Variants in ZKSCAN3 observed in about 807,000 individuals in gnomAD.
ZKSCAN3 encodes zinc finger protein with KRAB and SCAN domains 3.
A neutral mutation model predicts 30.7 loss-of-function variants in ZKSCAN3; 21 were observed. The observed-to-expected ratio is 0.68, with a 90% CI of 0.49 to 0.99. The LOEUF (loss-of-function observed/expected upper bound fraction) is 0.99, where lower values mean the gene tolerates loss of function less well. Among genes scored for constraint, ZKSCAN3 ranks in the 50% least tolerant of loss-of-function variants. The pLI is 0.00. For synonymous variants in ZKSCAN3, 201 were observed against 246.7 expected (o/e 0.81, Z 1.73); for missense variants, 507 against 647.1 (o/e 0.78, Z 2.35).
chr6:28,356,461 ATGC>A (rs137944365), intron 1 of ZKSCAN3, among the ~76,000 whole-genome samples: 5,522 of 152,242 alleles, frequency 0.036, 247 homozygotes, highest in East Asian at 0.23. Flanking sequence ...TCTCCCCCAA[ATGC>A]TGCTGGCACT....
At chr6:28,354,073 C>T in intron 1 of ZKSCAN3, 2 of 406,996 alleles carry the variant, frequency 4.9e-6, no homozygotes, top group Non-Finnish European at 9.9e-6. Context: ...TCTGTGGCTC[C>T]TGCCGCTCCC....
intron 5 of ZKSCAN3, among the ~76,000 whole-genome samples, chr6:28,364,889 G>A (rs1359324712): frequency 6.6e-6 from 1 of 151,880 alleles, no homozygotes; most frequent in Non-Finnish European, 1.5e-5. Flanking sequence ...CACCATGCCC[G>A]GCTAATTTTT....
chr6:28,363,866 A>C (rs755216681), intron 5 of ZKSCAN3, 51 bp downstream of exon 5: 8 of 1,600,778 alleles, frequency 5.0e-6, no homozygotes, highest in Non-Finnish European at 6.0e-6. Context: ...CATTCTTTGT[A>C]TATTAGAACC....
Position 28,351,686 on chromosome 6 carries a change from CTCCTT to C in ZKSCAN3, c.-63+1622_-63+1626del, listed in dbSNP as rs1765027530. On this transcript the variant is annotated intron_variant, in intron 1 of 5. Transcript: ENST00000252211. The surrounding 1 kb of genome is among the most constrained non-coding windows in gnomAD (Gnocchi z 4.6). ...TTTTACTTCCTCCCTCTTTCCCTCT[CTCCTT>C]TCTTTCCCTCTCCCTCCTTTCTTTG... 1.3e-5 allele frequency among the ~76,000 whole-genome samples: 2 copies of C among 151,636 alleles called. No individual in the cohort carries two copies. Among genetic ancestry groups the C allele is most frequent in the African/African-American group, 4.8e-5 (2 of 41,298 alleles).
chr6:28,360,951 T>C (rs933456546), intron 2 of ZKSCAN3, among the ~76,000 whole-genome samples: 2 of 152,186 alleles, frequency 1.3e-5, no homozygotes, highest in African/African-American at 2.4e-5. Context: ...AAACTAGAGA[T>C]TGTAATCCCC....
Position 28,352,571 on chromosome 6 carries a change from A to C in ZKSCAN3, c.-63+2504A>C, listed in dbSNP as rs142557257. On this transcript the variant is annotated intron_variant, in intron 1 of 5. Transcript: ENST00000252211. ...GGCTGATTGATCTTGATTGTACCCA[A>C]GGCATTAGGATGTTTTAAAAGCTCC... 8.6e-3 allele frequency among the ~76,000 whole-genome samples: 1,310 copies of C among 152,256 alleles called. 11 individuals carry two copies. The highest frequency in any genetic ancestry group is 0.027 in the Middle Eastern group (8 of 294).
chr6:28,365,278 T>C (rs1021577253), intron 5 of ZKSCAN3, 148 bp from the exon 6 acceptor site: 1 of 1,177,918 alleles, frequency 8.5e-7, no homozygotes, highest in Non-Finnish European at 1.2e-6. Context: ...GCACTCCTGT[T>C]CTCCCCTTTT....
At chr6:28,362,363 T>C (rs2113924420) in intron 3 of ZKSCAN3, among the ~76,000 whole-genome samples, 2 of 152,288 alleles carry the variant, frequency 1.3e-5, no homozygotes, top group Middle Eastern at 3.4e-3. Flanking sequence ...AATTAAAGGG[T>C]ATAAATCTTC....
intron 5 of ZKSCAN3, among the ~76,000 whole-genome samples, chr6:28,364,219 TC>T (rs1214413974): frequency 1.4e-4 from 21 of 152,312 alleles, no homozygotes; most frequent in African/African-American, 3.8e-4. Context: ...CAAGCAATCT[TC>T]CTGCCTTGTC....
intron 1 of ZKSCAN3, 117 bp from the exon 2 acceptor site, chr6:28,359,408 C>G (rs1204483054): frequency 1.4e-6 from 1 of 737,300 alleles, no homozygotes. Context: ...AGCTGCAGAA[C>G]CACTGAACAT....
At chr6:28,360,073 A>C (rs530838863) in intron 2 of ZKSCAN3, 85 bp downstream of exon 2, 1 of 1,606,966 alleles carries the variant, frequency 6.2e-7, no homozygotes, top group East Asian at 2.2e-5. Context: ...TTCCTTTAAC[A>C]TCCAGGAGTT....
In ZKSCAN3 at chr6:28,365,737, C is replaced by T. The variant is rs573947578; in HGVS notation, c.1069C>T (p.Leu357Phe). ...CAAAGCCTTCATTGGGAGCTCTGCC[C>T]TTGTCATTCATCAGAGAGTCCACAC... is the stretch of plus-strand genomic sequence containing the variant. ...CGKAFIGSSA[L>F]VIHQRVHTGE... The change falls in exon 6 of 6, where the codon CTT becomes TTT. Residue 357 changes from leucine to phenylalanine, a missense_variant. Coordinates refer to ENST00000252211, the MANE Select transcript of ZKSCAN3 (RefSeq NM_024493.4). 1.2e-5 allele frequency: 19 copies of T among 1,613,858 alleles called. No individual in the cohort carries two copies. Among genetic ancestry groups the T allele is most frequent in the Non-Finnish European group, 1.5e-5 (18 of 1,179,920 alleles).
At chr6:28,361,302 A>C (rs1335196977) in intron 2 of ZKSCAN3, 22 bp from the exon 3 acceptor site, 6 of 1,608,920 alleles carry the variant, frequency 3.7e-6, no homozygotes. Flanking sequence ...AAAACATGAA[A>C]ATAAGAACAA....
intron 3 of ZKSCAN3, 148 bp from the exon 4 acceptor site, chr6:28,363,155 G>T: frequency 1.5e-6 from 1 of 645,460 alleles, no homozygotes; most frequent in Non-Finnish European, 2.7e-6. Context: ...GAGTGCAGTG[G>T]CTCAATCACA....
At chr6:28,361,143 C>G (rs1016893132) in intron 2 of ZKSCAN3, among the ~76,000 whole-genome samples, 181 bp from the exon 3 acceptor site, 5 of 152,172 alleles carry the variant, frequency 3.3e-5, no homozygotes, top group African/African-American at 1.2e-4. Flanking sequence ...TTTAAACTGG[C>G]TGTGCCTTAA....
At position 28,366,100 on chromosome 6, in the gene ZKSCAN3, A is replaced by G; in HGVS notation, c.1432A>G (p.Met478Val). Reference protein sequence around the residue: ...ESQLENVETPMSYKCNECERS... With the variant: ...ESQLENVETPVSYKCNECERS... Reference sequence around the variant, plus strand: ...CCAGTTGGAAAATGTTGAAACTCCCATGTCTTATAAATGTAATGAGTGTGA... The same window carrying G: ...CCAGTTGGAAAATGTTGAAACTCCCGTGTCTTATAAATGTAATGAGTGTGA... The change falls in exon 6 of 6, where the codon ATG becomes GTG. Residue 478 changes from methionine to valine, a missense_variant. Met to Val is a conservative substitution (Grantham distance 21). Coordinates refer to ENST00000252211, the MANE Select transcript of ZKSCAN3 (RefSeq NM_024493.4). The G allele has an allele frequency of 6.2e-7, 1 of 1,609,782 alleles. No homozygotes were observed. The highest frequency in any genetic ancestry group is 8.5e-7 in the Non-Finnish European group (1 of 1,178,400).
At chr6:28,350,977 G>T (rs1168472845) in intron 1 of ZKSCAN3, among the ~76,000 whole-genome samples, 2 of 152,150 alleles carry the variant, frequency 1.3e-5, no homozygotes, top group Non-Finnish European at 2.9e-5. Flanking sequence ...CTGATGTCCT[G>T]CTTAGTGCTG....
chr6:28,355,445 T>G (rs889682685), intron 1 of ZKSCAN3: 1 of 152,182 alleles, frequency 6.6e-6, no homozygotes, highest in Admixed American at 6.5e-5. Flanking sequence ...GGAGCTCAGC[T>G]CCCTTCCAAA....
chr6:28,365,401 A>C (rs1288931298), intron 5 of ZKSCAN3, 25 bp from the exon 6 acceptor site: 63 of 1,584,490 alleles, frequency 4.0e-5, no homozygotes, highest in Non-Finnish European at 5.2e-5. Flanking sequence ...CATAAGCCAC[A>C]GTTGCCAGTT....
Sources: gnomAD v4.1 joint callset for allele counts (sites outside exome capture counted in the v4.1 genomes callset) on GRCh38, gnomAD v4.1.1 for gene constraint, Gnocchi (gnomAD v3.1) non-coding constraint, MANE v1.5 for transcripts, NCBI Gene and HGNC (gene_info 2026-07-23, HGNC 2026-07-21) for gene names.